Variants in ROBO1 observed in about 807,000 individuals in gnomAD.
The protein encoded by ROBO1 is roundabout homolog 1.
Under a neutral mutation model 195.9 loss-of-function variants are expected in ROBO1, and 149 were observed. That is an observed-to-expected ratio of 0.76 (90% CI 0.67 to 0.87). The LOEUF (loss-of-function observed/expected upper bound fraction) is 0.87. ROBO1 is among the 40% of genes least tolerant of loss of function. The pLI is 0.00. For missense variants in ROBO1, 1,933 were observed against 2,068.3 expected (o/e 0.93, Z 1.27); for synonymous variants, 816 against 733.2 (o/e 1.11, Z -1.82).
chr3:79,633,261 C>T (rs2108034044), intron 1 of ROBO1, among the ~76,000 whole-genome samples: 1 of 150,904 alleles, frequency 6.6e-6, no homozygotes, highest in African/African-American at 2.4e-5. Context: ...CCAGTCTCAA[C>T]CTCTTGGGCT....
At chr3:79,683,162 GA>G (rs1560097152) in intron 1 of ROBO1, among the ~76,000 whole-genome samples, 1 of 151,692 alleles carries the variant, frequency 6.6e-6, no homozygotes, top group African/African-American at 2.4e-5. Flanking sequence ...ATTTCAAGTG[GA>G]AAAAACAATA....
At chr3:78,977,874 T>C (rs1029573849) in intron 3 of ROBO1, among the ~76,000 whole-genome samples, 6 of 152,160 alleles carry the variant, frequency 3.9e-5, no homozygotes, top group African/African-American at 1.4e-4. Context: ...TCTATTAATG[T>C]TTTTAATATC....
chr3:79,486,174 C>G (rs1939149859), intron 2 of ROBO1, among the ~76,000 whole-genome samples: 1 of 151,966 alleles, frequency 6.6e-6, no homozygotes, highest in South Asian at 2.1e-4. Context: ...TAAAGTCTCA[C>G]AAAGTATTGT....
chr3:79,575,426 A>G (rs1943447419), intron 2 of ROBO1, among the ~76,000 whole-genome samples: 1 of 128,472 alleles, frequency 7.8e-6, no homozygotes, highest in Admixed American at 8.6e-5. Context: ...ATATATATAT[A>G]AATATATATA....
chr3:78,688,559 T>C, intron 9 of ROBO1, 89 bp downstream of exon 9: 1 of 1,339,570 alleles, frequency 7.5e-7, no homozygotes, highest in Non-Finnish European at 9.9e-7. Flanking sequence ...GACAGCTGCA[T>C]GACTAAGTAA....
rs531374334 is a variant in ROBO1, at chr3:79,172,655, AT to A, written c.89-47117del. 3.0e-3 allele frequency among the ~76,000 whole-genome samples: 433 copies of A among 146,774 alleles called. 4 individuals are homozygous for A. The highest frequency in any genetic ancestry group is 9.0e-3 in the African/African-American group (365 of 40,352). On this transcript the variant is annotated intron_variant, in intron 2 of 30. Transcript: ENST00000464233. Reference sequence around the variant, plus strand: ...ATATGTGTGTATACCATTATTTTCAATTTTTTTTTTTTGGATCCTGAATTAT... The same window carrying A: ...ATATGTGTGTATACCATTATTTTCAATTTTTTTTTTTGGATCCTGAATTAT...
intron 2 of ROBO1, among the ~76,000 whole-genome samples, chr3:79,584,614 T>C (rs1408344001): frequency 7.8e-6 from 1 of 127,534 alleles, no homozygotes; most frequent in African/African-American, 3.8e-5. Flanking sequence ...TGGGTGAGTG[T>C]GTGTGTGTGT....
At chr3:78,861,326 T>G (rs1387769078) in intron 4 of ROBO1, among the ~76,000 whole-genome samples, 1 of 152,140 alleles carries the variant, frequency 6.6e-6, no homozygotes, top group Admixed American at 6.5e-5. Flanking sequence ...ATAACATAAT[T>G]GCCTCTTTCC....
chr3:79,217,829 A>C (rs1023393698), intron 2 of ROBO1, among the ~76,000 whole-genome samples: 12 of 151,966 alleles, frequency 7.9e-5, no homozygotes, highest in Admixed American at 5.3e-4. Flanking sequence ...TATTTTATAC[A>C]AATATCTTAT....
At chr3:78,938,299 A>G (rs1407998121) in intron 4 of ROBO1, 7 of 317,454 alleles carry the variant, frequency 2.2e-5, no homozygotes, top group African/African-American at 1.1e-4. Flanking sequence ...TCCCTATTCA[A>G]TATCTTTAAA....
chr3:79,490,123 G>A (rs921641579), intron 2 of ROBO1, among the ~76,000 whole-genome samples: 1 of 152,076 alleles, frequency 6.6e-6, no homozygotes, highest in African/African-American at 2.4e-5. Context: ...CCTTGGAGTG[G>A]ATGCTTTCCT....
intron 2 of ROBO1, among the ~76,000 whole-genome samples, chr3:79,161,526 G>T (rs1221322571): frequency 6.6e-6 from 1 of 151,544 alleles, no homozygotes; most frequent in Non-Finnish European, 1.5e-5. Flanking sequence ...CATAGACGAG[G>T]GTCTTTGAAA....
At chr3:79,308,310 A>C (rs2033317456) in intron 2 of ROBO1, among the ~76,000 whole-genome samples, 1 of 152,220 alleles carries the variant, frequency 6.6e-6, no homozygotes, top group South Asian at 2.1e-4. Flanking sequence ...ACCTTTTAAA[A>C]ATACGTAGGG....
At chr3:78,713,478 T>C (rs1163425636) in intron 8 of ROBO1, among the ~76,000 whole-genome samples, 1 of 151,942 alleles carries the variant, frequency 6.6e-6, no homozygotes, top group Non-Finnish European at 1.5e-5. Context: ...ATATATACTG[T>C]CAAAACAGGA....
chr3:79,093,989 G>C (rs1301740762), intron 3 of ROBO1, among the ~76,000 whole-genome samples: 4 of 152,098 alleles, frequency 2.6e-5, no homozygotes, highest in Non-Finnish European at 2.9e-5. Flanking sequence ...ATGAAAGAGA[G>C]ATGGGTCACT....
At chr3:79,432,435 AC>A (rs1293665597) in intron 2 of ROBO1, among the ~76,000 whole-genome samples, 1 of 152,194 alleles carries the variant, frequency 6.6e-6, no homozygotes, top group East Asian at 1.9e-4. Context: ...TCAAACCCAA[AC>A]AAAGATCAAA....
intron 4 of ROBO1, among the ~76,000 whole-genome samples, chr3:78,877,313 T>C (rs2035912996): frequency 6.6e-6 from 1 of 152,016 alleles, no homozygotes; most frequent in African/African-American, 2.4e-5. Context: ...AATTCTGATG[T>C]AAAACTAACA....
Position 78,957,038 on chromosome 3 carries a change from C to A in ROBO1, c.173-18111G>T, listed in dbSNP as rs180806584. 2.2e-3 allele frequency among the ~76,000 whole-genome samples: 339 copies of A among 152,214 alleles called. 1 individual carries two copies. Among genetic ancestry groups the A allele is most frequent in the African/African-American group, 8.0e-3 (331 of 41,536 alleles). ...GAATCTTAACATTATTTCTTAGAGG[C>A]TGTTGAAAAATGTGTAGTTTTTGTT... On this transcript the variant is annotated intron_variant, in intron 3 of 30. Transcript: ENST00000464233.
At chr3:79,368,868 G>T (rs2036076316) in intron 2 of ROBO1, among the ~76,000 whole-genome samples, 1 of 152,128 alleles carries the variant, frequency 6.6e-6, no homozygotes, top group Non-Finnish European at 1.5e-5. Context: ...TCAAAATCCT[G>T]ATTGTTTTTA....
Sources: allele counts gnomAD v4.1 joint callset (sites outside exome capture counted in the v4.1 genomes callset), GRCh38; gene constraint gnomAD v4.1.1; transcripts MANE v1.5; gene names NCBI Gene and HGNC (gene_info 2026-07-23, HGNC 2026-07-21).